ANKFN1: variants seen among roughly 807,000 people sequenced by gnomAD.
ANKFN1 encodes ankyrin repeat and fibronectin type III domain containing 1.
ANKFN1 carries 74 observed loss-of-function variants against 108.7 expected under a neutral mutation model. The observed-to-expected ratio is 0.68, with a 90% CI of 0.56 to 0.83. ANKFN1 has a LOEUF of 0.83. ANKFN1 is among the 40% of genes least tolerant of loss of function. ANKFN1 has a pLI of 0.00. For missense variants in ANKFN1, 1,505 were observed against 1,382.3 expected (o/e 1.09, Z -1.41); for synonymous variants, 547 against 516.2 (o/e 1.06, Z -0.81).
rs199682017 is a variant in ANKFN1 at position 56,274,472 on chromosome 17, C to CA, written c.53+46522dup. Among the ~76,000 whole-genome samples the CA allele has an allele frequency of 1.0e-3, 155 of 151,198 alleles. 2 individuals carry two copies. The highest frequency in any genetic ancestry group is 6.8e-3 in the Middle Eastern group (2 of 294). ...TGGGCGACAGCGCGAGACTCCGCCT[C>CA]AAAAAAATAATAATAATAATAATTC... On this transcript the variant is annotated intron_variant, in intron 3 of 20. Transcript: ENST00000682825.
At chr17:56,151,873 G>A (rs542999877), upstream of ANKFN1, among the ~76,000 whole-genome samples, 1 of 152,110 alleles carries the variant, frequency 6.6e-6, no homozygotes, top group Admixed American at 6.6e-5. Context: ...ATCTTCCCTT[G>A]AGCTTAATGC....
rs1266961004 is a variant in ANKFN1 at position 56,482,438 on chromosome 17, A to G, written c.2174A>G (p.Asp725Gly). The stretch of plus-strand genomic sequence containing the variant: ...TTTCTTCTCCTGCTCCCTGCCTCAG[A>G]CGACGTCTGTACAGCCCCAGGACAG... The part of the protein sequence containing the change: ...VSFLLLLPAS[D>G]DVCTAPGQNN... Residue 725 changes from aspartate (D) to glycine (G), a missense_variant, in exon 18 of 21, where the codon GAC becomes GGC. Asp to Gly is a moderately conservative substitution (Grantham distance 94). Transcript: ENST00000682825. The G allele has an allele frequency of 6.2e-7, 1 of 1,613,626 alleles. No individual in the cohort carries two copies. The highest frequency in any genetic ancestry group is 8.5e-7 in the Non-Finnish European group (1 of 1,179,756).
At chr17:56,384,731 A>G (rs370453558) in intron 8 of ANKFN1, among the ~76,000 whole-genome samples, 1 of 152,294 alleles carries the variant, frequency 6.6e-6, no homozygotes, top group East Asian at 1.9e-4. Flanking sequence ...TGCTTCAAAG[A>G]GAATAAAATA....
At chr17:56,484,431 A>G (rs2145386630) in intron 18 of ANKFN1, among the ~76,000 whole-genome samples, 1 of 152,384 alleles carries the variant, frequency 6.6e-6, no homozygotes. Flanking sequence ...TAACTATTTA[A>G]ATGAGAAAGG....
intron 3 of ANKFN1, among the ~76,000 whole-genome samples, chr17:56,324,660 C>T (rs1250432784): frequency 6.6e-6 from 1 of 152,164 alleles, no homozygotes; most frequent in Non-Finnish European, 1.5e-5. Flanking sequence ...CTTTCTTAAT[C>T]CTTGATGAAA....
chr17:56,072,915 G>A (rs2143142695), intron 4 of ANKFN1, among the ~76,000 whole-genome samples: 1 of 152,236 alleles, frequency 6.6e-6, no homozygotes, highest in African/African-American at 2.4e-5. Context: ...CCAGGACCAA[G>A]ACCAGAAGAC....
intron 4 of ANKFN1, among the ~76,000 whole-genome samples, chr17:56,049,409 A>G (rs1418884557): frequency 6.6e-6 from 1 of 151,486 alleles, no homozygotes; most frequent in Non-Finnish European, 1.5e-5. Context: ...TTTTTATTAT[A>G]CTTTAAGTTT....
intron 3 of ANKFN1, among the ~76,000 whole-genome samples, chr17:56,284,468 A>G (rs547646492): frequency 6.6e-6 from 1 of 152,162 alleles, no homozygotes; most frequent in African/African-American, 2.4e-5. Context: ...AATGTTTCCT[A>G]TCAGGGCTAA....
At chr17:56,500,910 A>G (rs1037817227) in intron 20 of ANKFN1, among the ~76,000 whole-genome samples, 7 of 152,350 alleles carry the variant, frequency 4.6e-5, no homozygotes, top group African/African-American at 1.7e-4. Flanking sequence ...GAGTGAAAAC[A>G]TAAACAAACA....
At chr17:56,106,614 C>G (rs1410018831) in intron 4 of ANKFN1, among the ~76,000 whole-genome samples, 1 of 152,158 alleles carries the variant, frequency 6.6e-6, no homozygotes, top group African/African-American at 2.4e-5. Context: ...TTTCTGATCC[C>G]AGAACTGTCA....
chr17:56,319,112 G>A (rs2045291095), intron 3 of ANKFN1, among the ~76,000 whole-genome samples: 1 of 152,100 alleles, frequency 6.6e-6, no homozygotes, highest in African/African-American at 2.4e-5. Context: ...GGAGGGGTCT[G>A]CCTAAAATTG....
intron 2 of ANKFN1, among the ~76,000 whole-genome samples, chr17:56,218,006 T>C (rs1177355117): frequency 6.6e-6 from 1 of 152,168 alleles, no homozygotes; most frequent in African/African-American, 2.4e-5. Context: ...TAGAACTTCA[T>C]CCTTTCTCAC....
rs553881169 is a variant in ANKFN1 at position 56,059,297 on chromosome 17, A to T, written c.288+12972A>T. On this transcript the variant is annotated intron_variant, in intron 4 of 12. Transcript: ENST00000635860. Reference sequence around the variant, plus strand: ...TTGAGGGGTTGTTTTTTTCTTGTAAATTTGTTTAAGTTCCTTGTAAATTCT... The same window carrying T: ...TTGAGGGGTTGTTTTTTTCTTGTAATTTTGTTTAAGTTCCTTGTAAATTCT... 2.0e-5 allele frequency among the ~76,000 whole-genome samples: 3 copies of T among 152,014 alleles called. No individual in the cohort carries two copies. The South Asian group carries it at 6.2e-4, about 32-fold the overall frequency.
At chr17:56,144,184 A>AC (rs1405007617) in intron 4 of ANKFN1, among the ~76,000 whole-genome samples, 22,482 of 78,126 alleles carry the variant, frequency 0.29, 5,522 homozygotes, top group East Asian at 0.52. Context: ...AAAAAAAAAA[A>AC]ACAGCCCAAA....
At chr17:56,434,478 G>GA (rs967900752) in intron 8 of ANKFN1, among the ~76,000 whole-genome samples, 35 of 151,896 alleles carry the variant, frequency 2.3e-4, no homozygotes, top group African/African-American at 6.8e-4. Flanking sequence ...TTAATTTGGG[G>GA]AAAAAAAATG....
intron 1 of ANKFN1, among the ~76,000 whole-genome samples, chr17:56,189,523 A>T (rs948203227): frequency 6.6e-6 from 1 of 152,150 alleles, no homozygotes; most frequent in Non-Finnish European, 1.5e-5. Context: ...GAGGAAGGGG[A>T]TGCAGGGACC....
intron 3 of ANKFN1, among the ~76,000 whole-genome samples, chr17:56,245,043 T>C (rs1304542261): frequency 1.3e-5 from 2 of 152,206 alleles, no homozygotes; most frequent in Non-Finnish European, 2.9e-5. Flanking sequence ...TTGCTCCACA[T>C]TTTTTGGATG....
chr17:56,094,773 A>G (rs1204752525), intron 4 of ANKFN1, among the ~76,000 whole-genome samples: 4 of 145,060 alleles, frequency 2.8e-5, no homozygotes, highest in Admixed American at 7.0e-5. Context: ...ACCCACCTTG[A>G]CCTCCCAAAG....
At chr17:56,442,784 G>C (rs1373143253) in intron 9 of ANKFN1, 59 bp from the exon 10 acceptor site, 8 of 1,426,140 alleles carry the variant, frequency 5.6e-6, no homozygotes, top group Admixed American at 1.7e-5. Context: ...TATACCCATA[G>C]AGTCTAGGGT....
Sources: gnomAD v4.1 joint callset for allele counts (sites outside exome capture counted in the v4.1 genomes callset) on GRCh38, gnomAD v4.1.1 for gene constraint, MANE v1.5 for transcripts, NCBI Gene and HGNC (gene_info 2026-07-23, HGNC 2026-07-21) for gene names.